The following TRMT2A variants were observed in gnomAD, a reference collection of about 807,000 sequenced individuals.
TRMT2A encodes the protein tRNA methyltransferase 2A.
A neutral mutation model predicts 59.3 loss-of-function variants in TRMT2A; 60 were observed. The observed-to-expected ratio is 1.01, with a 90% CI of 0.82 to 1.26. The LOEUF is 1.26. Ranked by LOEUF, TRMT2A falls within the 50% of genes most tolerant of loss-of-function variation. The pLI, the probability that TRMT2A is intolerant of heterozygous loss-of-function variation, is 0.00. For missense variants in TRMT2A, 863 were observed against 845.2 expected (o/e 1.02, Z -0.26); for synonymous variants, 403 against 353.7 (o/e 1.14, Z -1.56).
At position 20,116,153 on chromosome 22, in the gene TRMT2A, C is replaced by T. The variant is rs2050009679; in HGVS notation, c.484G>A (p.Glu162Lys). 1.9e-6 allele frequency: 3 copies of T among 1,612,952 alleles called. No homozygotes were observed. Among genetic ancestry groups the T allele is most frequent in the Non-Finnish European group, 2.5e-6 (3 of 1,179,860 alleles). ...TCGGCCACTCGTGTTACTGGTGGCT[C>T]ACTCTCACCCTCCTGTCGCCTCCTC... The part of the protein sequence containing the change: ...ARRRRQEGES[E>K]PPVTRVADVV... Residue 162 changes from glutamate to lysine, a missense_variant, in exon 2 of 12, where the codon GAG becomes AAG. By Grantham distance (56) the Glu-to-Lys change is moderately conservative. Transcript: ENST00000252136.
intron 1 of TRMT2A, 117 bp downstream of exon 1, chr22:20,116,766 C>G (rs912332472): frequency 7.0e-6 from 10 of 1,431,746 alleles, no homozygotes; most frequent in Middle Eastern, 1.9e-4. Context: ...ATTCCCGTCT[C>G]CTTTCCTCCC....
chr22:20,114,278 C>T (rs2049936283), intron 7 of TRMT2A, among the ~76,000 whole-genome samples: 1 of 152,220 alleles, frequency 6.6e-6, no homozygotes, highest in South Asian at 2.1e-4. Context: ...TATTTCCCAG[C>T]CCAGAGGCCA....
At position 20,112,973 on chromosome 22, in the gene TRMT2A, CTTA is replaced by C. The variant is rs1346056536; in HGVS notation, c.1581_1583del (p.Lys528del). On this transcript the variant is annotated inframe_deletion, in exon 11 of 12. Transcript: ENST00000252136. The stretch of plus-strand genomic sequence containing the variant: ...AGACGTACAGCAGCCGCCTGAGGTT[CTTA>C]GCTCTCCGGATGGCCAGGATCACCT... The C allele has an allele frequency of 6.2e-7, 1 of 1,613,828 alleles. No individual in the cohort carries two copies. The highest frequency in any genetic ancestry group is 2.2e-5 in the East Asian group (1 of 44,880).
chr22:20,115,425 TCA>T lies in TRMT2A; in HGVS notation c.729_730del (p.Cys243Ter). On this transcript the variant is annotated stop_gained and frameshift_variant, in exon 4 of 12. Coordinates refer to ENST00000252136, the MANE Select transcript of TRMT2A (RefSeq NM_022727.6). LOFTEE classifies it high-confidence loss of function. ...ATCCACCCCGACGCCAACCAGAAAC[TCA>T]CACTTATTACGATACTCAGTCTGCA... 6.2e-7 allele frequency: 1 copy of T among 1,610,686 alleles called. No individual in the cohort carries two copies. Among genetic ancestry groups the T allele is most frequent in the Non-Finnish European group, 8.5e-7 (1 of 1,179,150 alleles).
Position 20,112,929 on chromosome 22 carries a change from G to C in TRMT2A, c.1628C>G (p.Ala543Gly). ...LLYVSCNPRAAMGNFVDLCRA... is the reference protein window; with the variant it reads ...LLYVSCNPRAGMGNFVDLCRA... ...CACTCACTCCACAAAGTTGCCCATG[G>C]CTGCCCGGGGGTTGCATGAGACGTA... The change falls in exon 11 of 12, where the codon GCC becomes GGC. Residue 543 changes from alanine to glycine, a missense_variant. Transcript: ENST00000252136. The C allele has an allele frequency of 6.2e-7, 1 of 1,613,824 alleles. No individual in the cohort carries two copies. The highest frequency in any genetic ancestry group is 8.5e-7 in the Non-Finnish European group (1 of 1,180,014).
Position 20,115,099 on chromosome 22 carries a change from G to A in TRMT2A, c.891-20C>T, listed in dbSNP as rs1489657410. ...GTGGACCTGTGGGAATCACGAGCTG[G>A]CCCAAGTGCCCACAACTGGGCAAGC... is the stretch of plus-strand genomic sequence containing the variant. On this transcript the variant is annotated intron_variant, in intron 4 of 11. Transcript: ENST00000252136. 1 of 1,576,906 alleles carries A rather than the reference G, an allele frequency of 6.3e-7. No individual in the cohort carries two copies. Among genetic ancestry groups the A allele is most frequent in the Non-Finnish European group, 8.6e-7 (1 of 1,166,086 alleles).
chr22:20,113,747 G>A lies in TRMT2A; in HGVS notation c.1295C>T (p.Ala432Val), dbSNP rs754647910. 6.8e-6 allele frequency: 11 copies of A among 1,608,508 alleles called. No individual in the cohort carries two copies. The highest frequency in any genetic ancestry group is 2.2e-5 in the East Asian group (1 of 44,792). Reference protein sequence around the residue: ...TVIQDWAQLDAGSMVLDVCCG... With the variant: ...TVIQDWAQLDVGSMVLDVCCG... Reference sequence around the variant, plus strand: ...GCACACGTCCAGCACCATGCTCCCCGCATCCAATTGGGCCCAGTCCTGGAT... The same window carrying A: ...GCACACGTCCAGCACCATGCTCCCCACATCCAATTGGGCCCAGTCCTGGAT... Residue 432 changes from alanine (A) to valine (V), a missense_variant, in exon 8 of 12, where the codon GCG becomes GTG. Physicochemically the swap from Ala to Val is moderately conservative, Grantham distance 64 (BLOSUM62 0). Coordinates refer to ENST00000252136, the MANE Select transcript of TRMT2A (RefSeq NM_022727.6).
rs2050046230 is a variant in TRMT2A at position 20,116,967 on chromosome 22, C to G, written c.-61G>C. 1.9e-6 allele frequency: 3 copies of G among 1,558,232 alleles called. No homozygotes were observed. ...ATGGGGGCCGCCTGGCCACCTCGTC[C>G]TGGGCCTGTCACAAGGGAAGTGGCC... On this transcript the variant is annotated 5_prime_UTR_variant, in exon 1 of 12. Transcript: ENST00000252136.
At chr22:20,113,581 G>A (rs746987151) in intron 8 of TRMT2A, 74 bp from the exon 9 acceptor site, 49 of 1,608,456 alleles carry the variant, frequency 3.0e-5, no homozygotes, top group Non-Finnish European at 3.6e-5. Flanking sequence ...GCAAAGAGGA[G>A]CTGGGCCTGG....
chr22:20,115,967 C>T, intron 2 of TRMT2A, 71 bp downstream of exon 2: 2 of 1,498,010 alleles, frequency 1.3e-6, no homozygotes, highest in Non-Finnish European at 1.8e-6. Context: ...CCAACTGGTG[C>T]ATGGACAGGC....
chr22:20,113,035 C>T lies in TRMT2A; in HGVS notation c.1550-28G>A, dbSNP rs778665015. 10 of 1,613,114 alleles carry T rather than the reference C, an allele frequency of 6.2e-6. No homozygotes were observed. The East Asian group carries it at 2.0e-4, about 32-fold the overall frequency. On this transcript the variant is annotated intron_variant, in intron 10 of 11. Coordinates refer to ENST00000252136, the MANE Select transcript of TRMT2A (RefSeq NM_022727.6). ...GAGGAGGCAAACACCAGCTGGGTCC[C>T]CACAGCCAGAGAGTGCATAACATGG...
At chr22:20,113,400 T>TGGCCCCCCC in intron 9 of TRMT2A, 32 bp downstream of exon 9, 1 of 1,049,434 alleles carries the variant, frequency 9.5e-7, no homozygotes, top group Non-Finnish European at 1.4e-6. Context: ...GCTGCCCCCA[T>TGGCCCCCCC]CCCCACCCCC....
At chr22:20,115,617 CAA>C in intron 3 of TRMT2A, 53 bp downstream of exon 3, 2 of 1,601,990 alleles carry the variant, frequency 1.2e-6, no homozygotes, top group South Asian at 1.1e-5. Flanking sequence ...TGAGCAAAAG[CAA>C]AGTTTTTCAA....
At chr22:20,116,712 C>T (rs2008701) in intron 1 of TRMT2A, 100 bp from the exon 2 acceptor site, 242,737 of 1,446,244 alleles carry the variant, frequency 0.17, 22,637 homozygotes, top group Middle Eastern at 0.19. Flanking sequence ...TCGGTGCACT[C>T]TGCACTCAGC....
At chr22:20,116,010 A>C in intron 2 of TRMT2A, 28 bp downstream of exon 2, 1 of 1,532,816 alleles carries the variant, frequency 6.5e-7, no homozygotes, top group Non-Finnish European at 8.8e-7. Flanking sequence ...AGCCCTGGCC[A>C]AGAGGGGCGT....
Position 20,112,548 on chromosome 22 carries a change from T to C in TRMT2A, c.*15A>G, listed in dbSNP as rs773148616. On this transcript the variant is annotated 3_prime_UTR_variant, in exon 12 of 12. Coordinates refer to ENST00000252136, the MANE Select transcript of TRMT2A (RefSeq NM_022727.6). Reference sequence around the variant, plus strand: ...GGGAGCCCTTCAGCTCCTGTCCCCATAATGGGTCCTGGGCCTAGGATGAGG... The same window carrying C: ...GGGAGCCCTTCAGCTCCTGTCCCCACAATGGGTCCTGGGCCTAGGATGAGG... 1 of 1,611,816 alleles carries C rather than the reference T, an allele frequency of 6.2e-7. No individual in the cohort carries two copies. Among genetic ancestry groups the C allele is most frequent in the Non-Finnish European group, 8.5e-7 (1 of 1,178,796 alleles).
chr22:20,116,869 T>TC lies in TRMT2A; in HGVS notation c.24+13dup. 6.3e-7 allele frequency: 1 copy of TC among 1,586,362 alleles called. No homozygotes were observed. Among genetic ancestry groups the TC allele is most frequent in the Non-Finnish European group, 8.6e-7 (1 of 1,165,760 alleles). ...CCCATCCCCGTCTCTACCCAGCGTC[T>TC]CCCCGCACTCTACCTCGTTGTCGAG... On this transcript the variant is annotated intron_variant, in intron 1 of 11. Transcript: ENST00000252136.
chr22:20,115,274 C>T lies in TRMT2A; in HGVS notation c.882G>A (p.Glu294=), dbSNP rs748763970. The T allele has an allele frequency of 8.7e-6, 14 of 1,611,482 alleles. No individual in the cohort carries two copies. Among genetic ancestry groups the T allele is most frequent in the Admixed American group, 3.3e-5 (2 of 59,950 alleles). The change falls in exon 4 of 12, where the codon GAG becomes GAA. Residue 294 remains glutamate (E), a synonymous_variant. Coordinates refer to ENST00000252136, the MANE Select transcript of TRMT2A (RefSeq NM_022727.6). The part of the protein sequence containing the change: ...ATKQVVKAFQ[E]FIRSTPYSAY... Reference sequence around the variant, plus strand: ...CCGTCACAGGTCCTCACCGGATGAACTCCTGGAAGGCCTTCACCACCTGCT... The same window carrying T: ...CCGTCACAGGTCCTCACCGGATGAATTCCTGGAAGGCCTTCACCACCTGCT...
chr22:20,112,467 G>T lies in TRMT2A; in HGVS notation c.*96C>A. On this transcript the variant is annotated 3_prime_UTR_variant, in exon 12 of 12. Coordinates refer to ENST00000252136, the MANE Select transcript of TRMT2A (RefSeq NM_022727.6). ...GCACAGGGTTCTGTGCCCTTTGGCT[G>T]CCTACCTCTGAATATCCTGGCCAGC... is the stretch of plus-strand genomic sequence containing the variant. 6.9e-7 allele frequency: 1 copy of T among 1,439,062 alleles called. No homozygotes were observed. The highest frequency in any genetic ancestry group is 9.3e-7 in the Non-Finnish European group (1 of 1,075,960). The allele number at this position is 1,439,062 out of a possible 1,614,324, so 89.1% of individuals were successfully genotyped here. A position where few individuals can be genotyped will look rare whatever the true frequency, so the allele number is the denominator to read the frequency against.
Sources: gnomAD v4.1 joint callset for allele counts (sites outside exome capture counted in the v4.1 genomes callset) on GRCh38, gnomAD v4.1.1 for gene constraint, MANE v1.5 for transcripts, NCBI Gene and HGNC (gene_info 2026-07-23, HGNC 2026-07-21) for gene names.